Variants in HSDL2 observed in about 807,000 individuals in gnomAD.
HSDL2 encodes the protein hydroxysteroid dehydrogenase-like protein 2.
Under a neutral mutation model 46.3 loss-of-function variants are expected in HSDL2, and 27 were observed. The observed-to-expected ratio is 0.58, with a 90% CI of 0.43 to 0.80. HSDL2 has a LOEUF of 0.80. HSDL2 is among the 30% of genes least tolerant of loss of function. HSDL2 has a pLI of 0.00. For missense variants in HSDL2, 451 were observed against 502.7 expected (o/e 0.90, Z 0.98); for synonymous variants, 153 against 163.6 (o/e 0.94, Z 0.50).
At chr9:112,410,811 C>G (rs1831846287) in intron 4 of HSDL2, among the ~76,000 whole-genome samples, 1 of 152,088 alleles carries the variant, frequency 6.6e-6, no homozygotes. Flanking sequence ...TGCCTGTAGT[C>G]CCAGCTACTT....
At chr9:112,468,807 T>C (rs1833475855) in intron 10 of HSDL2, among the ~76,000 whole-genome samples, 1 of 152,202 alleles carries the variant, frequency 6.6e-6, no homozygotes, top group Admixed American at 6.5e-5. Flanking sequence ...GTTGCTCTTA[T>C]CTGTGTTTTG....
intron 8 of HSDL2, among the ~76,000 whole-genome samples, chr9:112,444,467 G>A (rs557493548): frequency 1.3e-5 from 2 of 152,156 alleles, no homozygotes; most frequent in Admixed American, 6.5e-5. Context: ...ACCAGGCATA[G>A]TGGCTCACGC....
In HSDL2 at chr9:112,429,758, C is replaced by A. The variant is rs116190537; in HGVS notation, c.599-8673C>A. On this transcript the variant is annotated intron_variant, in intron 6 of 10. Coordinates refer to ENST00000398805, the MANE Select transcript of HSDL2 (RefSeq NM_032303.5). ...AAGGAAGGGGGATTGGAGTCTCAGC[C>A]ATTGAGGAAGGAAGGTGGCAATTTA... Among the ~76,000 whole-genome samples, 1,131 of 152,204 alleles carry A rather than the reference C, an allele frequency of 7.4e-3. 17 individuals are homozygous for A. Among genetic ancestry groups the A allele is most frequent in the African/African-American group, 0.026 (1,069 of 41,512 alleles).
At position 112,408,957 on chromosome 9, in the gene HSDL2, T is replaced by C. The variant is rs1831796337; in HGVS notation, c.331T>C (p.Leu111=). Reference sequence around the variant, plus strand: ...CAGTGCCATTAGTTTGACCAATACATTGGACACACCTACCAAGAGATTGGA... The same window carrying C: ...CAGTGCCATTAGTTTGACCAATACACTGGACACACCTACCAAGAGATTGGA... ...NASAISLTNT[L]DTPTKRLDLM... The change falls in exon 4 of 11, where the codon TTG becomes CTG. Residue 111 remains leucine (L), a synonymous_variant. Coordinates refer to ENST00000398805, the MANE Select transcript of HSDL2 (RefSeq NM_032303.5). The C allele has an allele frequency of 1.2e-6, 2 of 1,608,076 alleles. No individual in the cohort carries two copies. The highest frequency in any genetic ancestry group is 1.7e-6 in the Non-Finnish European group (2 of 1,176,122).
At chr9:112,443,098 T>C (rs1321898430) in intron 8 of HSDL2, among the ~76,000 whole-genome samples, 3 of 152,168 alleles carry the variant, frequency 2.0e-5, no homozygotes, top group African/African-American at 7.2e-5. Context: ...AGAGAGCTTA[T>C]CAAACTCTAG....
chr9:112,441,815 C>A, intron 8 of HSDL2, 45 bp downstream of exon 8: 1 of 1,234,032 alleles, frequency 8.1e-7, no homozygotes, highest in Non-Finnish European at 1.2e-6. Context: ...TAAATCCTAA[C>A]TTATGTATTT....
At chr9:112,421,116 G>C (rs1832113237) in intron 6 of HSDL2, among the ~76,000 whole-genome samples, 1 of 152,130 alleles carries the variant, frequency 6.6e-6, no homozygotes, top group Non-Finnish European at 1.5e-5. Context: ...GATCTCTTGA[G>C]CCCAGGAGTT....
At chr9:112,430,111 GT>G (rs1195534204) in intron 6 of HSDL2, among the ~76,000 whole-genome samples, 2 of 151,990 alleles carry the variant, frequency 1.3e-5, no homozygotes, top group Non-Finnish European at 2.9e-5. Context: ...GAAAAGAGAT[GT>G]TTGGCCTTTC....
At chr9:112,431,496 C>T (rs188588998) in intron 6 of HSDL2, among the ~76,000 whole-genome samples, 1 of 152,078 alleles carries the variant, frequency 6.6e-6, no homozygotes, top group African/African-American at 2.4e-5. Context: ...GGGAGTGATA[C>T]AGTTTGGATG....
At chr9:112,389,885 C>T (rs749340593) in intron 1 of HSDL2, among the ~76,000 whole-genome samples, 1 of 151,838 alleles carries the variant, frequency 6.6e-6, no homozygotes, top group Non-Finnish European at 1.5e-5. Flanking sequence ...GCCAACATGG[C>T]AAAACCCTGT....
intron 1 of HSDL2, among the ~76,000 whole-genome samples, chr9:112,398,593 G>T (rs1404056915): frequency 1.3e-5 from 2 of 152,058 alleles, no homozygotes; most frequent in Non-Finnish European, 2.9e-5. Flanking sequence ...GGCCGAACGG[G>T]AGAGGAAACC....
chr9:112,460,250 T>C (rs558859926), intron 10 of HSDL2, among the ~76,000 whole-genome samples: 1 of 152,296 alleles, frequency 6.6e-6, no homozygotes, highest in East Asian at 1.9e-4. Context: ...GAATTATAAA[T>C]GTTATTCAGA....
At chr9:112,389,396 C>T (rs747712063) in intron 1 of HSDL2, among the ~76,000 whole-genome samples, 5 of 152,072 alleles carry the variant, frequency 3.3e-5, no homozygotes, top group Non-Finnish European at 2.9e-5. Flanking sequence ...AAAATGAGCA[C>T]AAATGCTAAA....
intron 6 of HSDL2, among the ~76,000 whole-genome samples, chr9:112,425,826 C>A (rs1168264568): frequency 1.3e-5 from 2 of 152,012 alleles, no homozygotes; most frequent in African/African-American, 4.8e-5. Context: ...CTCCTGGGCT[C>A]AAGCCATCTT....
chr9:112,452,428 C>T (rs1013246654), intron 8 of HSDL2, among the ~76,000 whole-genome samples: 1 of 152,070 alleles, frequency 6.6e-6, no homozygotes, highest in African/African-American at 2.4e-5. Context: ...TTAGCTGCCT[C>T]TATGTGATTC....
chr9:112,420,813 T>A (rs1309636003), intron 6 of HSDL2, among the ~76,000 whole-genome samples: 2 of 152,272 alleles, frequency 1.3e-5, no homozygotes, highest in East Asian at 3.8e-4. Context: ...CATATACATT[T>A]CTGTTACATT....
chr9:112,435,638 A>G (rs1832507995), intron 6 of HSDL2, among the ~76,000 whole-genome samples: 1 of 152,178 alleles, frequency 6.6e-6, no homozygotes, highest in Non-Finnish European at 1.5e-5. Flanking sequence ...TAGGTAAGAT[A>G]ATGTATGTAA....
chr9:112,447,940 A>G (rs1056649446), intron 8 of HSDL2, among the ~76,000 whole-genome samples: 2 of 152,204 alleles, frequency 1.3e-5, no homozygotes, highest in Non-Finnish European at 2.9e-5. Flanking sequence ...AAAGACATCT[A>G]ATAGTTTTTG....
chr9:112,404,802 T>G lies in HSDL2; in HGVS notation c.181+644T>G, dbSNP rs922323963. On this transcript the variant is annotated intron_variant, in intron 2 of 10. Transcript: ENST00000398805. The stretch of plus-strand genomic sequence containing the variant: ...TTAAAAATTCAAGTTCAGTTGACAT[T>G]GCTAGTTTTGTTAATCATGTTCAGA... Among the ~76,000 whole-genome samples, 13 of 152,354 alleles carry G rather than the reference T, an allele frequency of 8.5e-5. No individual in the cohort carries two copies. In the East Asian group the frequency reaches 2.3e-3, roughly 27 times the overall value.
Sources: allele counts gnomAD v4.1 joint callset (sites outside exome capture counted in the v4.1 genomes callset), GRCh38; gene constraint gnomAD v4.1.1; transcripts MANE v1.5; gene names NCBI Gene and HGNC (gene_info 2026-07-23, HGNC 2026-07-21).